Variants in CSMD3 observed in about 807,000 individuals in gnomAD.
The protein encoded by CSMD3 is CUB and Sushi multiple domains 3.
CSMD3 carries 177 observed loss-of-function variants against 435.2 expected under a neutral mutation model. The ratio of observed to expected loss-of-function variants is 0.41; its 90% confidence interval spans 0.36 to 0.46. The LOEUF (loss-of-function observed/expected upper bound fraction) is 0.46. CSMD3 is among the 20% of genes least tolerant of loss of function. The probability of loss-of-function intolerance (pLI) is 0.34; values close to 1 mark genes in which losing one functional copy is unlikely to be tolerated. For missense variants in CSMD3, 4,265 were observed against 4,504.6 expected (o/e 0.95, Z 1.52); for synonymous variants, 1,656 against 1,520.5 (o/e 1.09, Z -2.07).
chr8:112,894,939 T>C (rs2081908434), intron 10 of CSMD3, among the ~76,000 whole-genome samples: 1 of 151,376 alleles, frequency 6.6e-6, no homozygotes, highest in Non-Finnish European at 1.5e-5. Flanking sequence ...TAAATGCCAG[T>C]GGAGTTTGGA....
At chr8:112,904,301 A>C (rs2130470172) in intron 10 of CSMD3, among the ~76,000 whole-genome samples, 1 of 151,624 alleles carries the variant, frequency 6.6e-6, no homozygotes, top group Non-Finnish European at 1.5e-5. Flanking sequence ...ATCACAAAAT[A>C]ATGTTAGATA....
chr8:112,726,710 A>G (rs929658088), intron 13 of CSMD3, among the ~76,000 whole-genome samples: 3 of 151,868 alleles, frequency 2.0e-5, no homozygotes, highest in African/African-American at 7.2e-5. Flanking sequence ...TCCTTTTCTC[A>G]TAACTTTATT....
chr8:112,456,497 A>G (rs1258648406), intron 32 of CSMD3, among the ~76,000 whole-genome samples: 3 of 145,004 alleles, frequency 2.1e-5, no homozygotes, highest in East Asian at 2.2e-4. Context: ...CTTATTATCT[A>G]AAGAAAATAA....
At chr8:112,782,153 T>C (rs974616195) in intron 13 of CSMD3, among the ~76,000 whole-genome samples, 26 of 152,028 alleles carry the variant, frequency 1.7e-4, no homozygotes, top group African/African-American at 6.3e-4. Context: ...GAATTCAAAA[T>C]AGCTGTTTTA....
intron 17 of CSMD3, among the ~76,000 whole-genome samples, chr8:112,662,361 T>A (rs2075404710): frequency 6.6e-6 from 1 of 151,956 alleles, no homozygotes; most frequent in African/African-American, 2.4e-5. Context: ...CCCTCAGAAA[T>A]AATGCCACAT....
At chr8:112,475,990 G>T (rs956996350) in intron 31 of CSMD3, among the ~76,000 whole-genome samples, 1 of 152,026 alleles carries the variant, frequency 6.6e-6, no homozygotes, top group African/African-American at 2.4e-5. Flanking sequence ...AGAACCCACT[G>T]CTCCTGATTA....
intron 3 of CSMD3, among the ~76,000 whole-genome samples, chr8:113,241,204 G>GAAAA (rs1229199607): frequency 6.6e-6 from 1 of 152,014 alleles, no homozygotes; most frequent in African/African-American, 2.4e-5. Flanking sequence ...ATAACAAGAA[G>GAAAA]AAAAATTATG....
intron 5 of CSMD3, among the ~76,000 whole-genome samples, chr8:113,059,388 G>C (rs1383500207): frequency 6.6e-6 from 1 of 152,032 alleles, no homozygotes; most frequent in African/African-American, 2.4e-5. Context: ...CTTGATAACA[G>C]CTGCCCTGAA....
intron 13 of CSMD3, among the ~76,000 whole-genome samples, chr8:112,760,916 T>C (rs1390858378): frequency 6.6e-6 from 1 of 152,138 alleles, no homozygotes; most frequent in Non-Finnish European, 1.5e-5. Context: ...TTTAAAGTCA[T>C]AGTAAAGGAC....
chr8:112,455,774 C>G (rs1318638340), intron 32 of CSMD3, among the ~76,000 whole-genome samples: 1 of 151,542 alleles, frequency 6.6e-6, no homozygotes, highest in Admixed American at 6.6e-5. Context: ...CAGAGCTTCA[C>G]ATAGCTCTTA....
chr8:112,264,986 C>T (rs887020232), intron 60 of CSMD3, among the ~76,000 whole-genome samples: 9 of 151,874 alleles, frequency 5.9e-5, no homozygotes, highest in South Asian at 2.1e-4. Context: ...AGAAAAATTA[C>T]GGTTCTATAA....
chr8:113,361,340 T>G (rs779134661), intron 1 of CSMD3, among the ~76,000 whole-genome samples: 1 of 152,190 alleles, frequency 6.6e-6, no homozygotes, highest in Non-Finnish European at 1.5e-5. Context: ...TTTGAACCAG[T>G]TGCACTCTTG....
intron 61 of CSMD3, among the ~76,000 whole-genome samples, chr8:112,263,422 A>G (rs1816629605): frequency 6.6e-6 from 1 of 152,168 alleles, no homozygotes. Context: ...ATTTTGAAAA[A>G]TTAGAAAAGT....
chr8:112,305,062 G>A, intron 51 of CSMD3, 147 bp from the exon 52 acceptor site: 1 of 696,808 alleles, frequency 1.4e-6, no homozygotes, highest in Non-Finnish European at 2.5e-6. Flanking sequence ...TTTGCATGTT[G>A]ATATTTTCCA....
chr8:112,751,106 A>T (rs2077559895), intron 13 of CSMD3, among the ~76,000 whole-genome samples: 1 of 152,072 alleles, frequency 6.6e-6, no homozygotes, highest in East Asian at 1.9e-4. Flanking sequence ...TTTGATGTTT[A>T]CTAAAAATAT....
intron 38 of CSMD3, among the ~76,000 whole-genome samples, chr8:112,361,572 C>CATACATATATAT (rs1314097693): frequency 8.4e-5 from 9 of 107,200 alleles, no homozygotes; most frequent in African/African-American, 2.1e-4. Context: ...TATACACATA[C>CATACATATATAT]ATATATATAT....
At chr8:113,394,185 C>A (rs2094473307) in intron 1 of CSMD3, among the ~76,000 whole-genome samples, 1 of 151,732 alleles carries the variant, frequency 6.6e-6, no homozygotes, top group South Asian at 2.1e-4. Flanking sequence ...CACACACACA[C>A]ACACACAAGG....
At chr8:113,395,332 A>C (rs951496859) in intron 1 of CSMD3, among the ~76,000 whole-genome samples, 1 of 152,026 alleles carries the variant, frequency 6.6e-6, no homozygotes, top group African/African-American at 2.4e-5. Context: ...CTAAGGCCGG[A>C]CGCGGTGGCT....
intron 7 of CSMD3, among the ~76,000 whole-genome samples, chr8:112,963,634 C>T (rs10092868): frequency 0.67 from 102,149 of 151,718 alleles, 35,969 homozygotes; most frequent in East Asian, 0.95. Context: ...GTAAGAAACA[C>T]AGAGATTCAC....
Sources: gnomAD v4.1 joint callset for allele counts (sites outside exome capture counted in the v4.1 genomes callset) on GRCh38, gnomAD v4.1.1 for gene constraint, MANE v1.5 for transcripts, NCBI Gene and HGNC (gene_info 2026-07-23, HGNC 2026-07-21) for gene names.